Variants in SORCS2 observed in about 807,000 individuals in gnomAD.
SORCS2 encodes sortilin related VPS10 domain containing receptor 2.
A neutral mutation model predicts 141.6 loss-of-function variants in SORCS2; 100 were observed. The observed-to-expected ratio is 0.71, with a 90% confidence interval of 0.60 to 0.83. The LOEUF (loss-of-function observed/expected upper bound fraction) is 0.83. Among genes scored for constraint, SORCS2 ranks in the 40% least tolerant of loss-of-function variants. The probability of loss-of-function intolerance (pLI) is 0.00; values close to 1 mark genes in which losing one functional copy is unlikely to be tolerated. For missense variants in SORCS2, 1,646 were observed against 1,560.2 expected (o/e 1.05, Z -0.93); for synonymous variants, 789 against 676.9 (o/e 1.17, Z -2.57).
At chr4:7,452,562 C>A (rs1728532885) in intron 2 of SORCS2, among the ~76,000 whole-genome samples, 1 of 152,224 alleles carries the variant, frequency 6.6e-6, no homozygotes, top group African/African-American at 2.4e-5. Context: ...CTGCCCCAGC[C>A]TTCTGTAAGC....
At chr4:7,699,906 G>A (rs763044560) in intron 12 of SORCS2, among the ~76,000 whole-genome samples, 3 of 152,250 alleles carry the variant, frequency 2.0e-5, no homozygotes, top group Non-Finnish European at 4.4e-5. Flanking sequence ...AGCCTCTAAC[G>A]AGCCCCTGCC....
chr4:7,727,662 C>T (rs927181388), intron 21 of SORCS2, among the ~76,000 whole-genome samples: 4 of 152,174 alleles, frequency 2.6e-5, no homozygotes, highest in African/African-American at 9.7e-5. Context: ...AATGCCATCA[C>T]CACCCTCATT....
intron 7 of SORCS2, among the ~76,000 whole-genome samples, chr4:7,665,289 G>C (rs1406338041): frequency 2.6e-5 from 4 of 152,140 alleles, no homozygotes; most frequent in Admixed American, 6.6e-5. Flanking sequence ...CAAGGAGTTA[G>C]GCGCTAGGGC....
chr4:7,516,533 C>A (rs551898020), intron 2 of SORCS2, among the ~76,000 whole-genome samples: 28 of 152,100 alleles, frequency 1.8e-4, no homozygotes, highest in Admixed American at 3.3e-4. Flanking sequence ...AGATTTTATC[C>A]GCTTGCAAAA....
intron 1 of SORCS2, among the ~76,000 whole-genome samples, chr4:7,305,831 C>T (rs1434233979): frequency 6.6e-6 from 1 of 152,182 alleles, no homozygotes; most frequent in African/African-American, 2.4e-5. Flanking sequence ...GAGCACAGTC[C>T]CCTCCCCGAT....
intron 1 of SORCS2, among the ~76,000 whole-genome samples, chr4:7,377,351 T>C (rs1186326109): frequency 1.3e-5 from 1 of 75,736 alleles, no homozygotes; most frequent in Non-Finnish European, 2.8e-5. Context: ...GAACTGGGGC[T>C]GTGACGGGGG....
At chr4:7,566,389 TGAA>T (rs1715017304) in intron 3 of SORCS2, among the ~76,000 whole-genome samples, 1 of 152,190 alleles carries the variant, frequency 6.6e-6, no homozygotes, top group East Asian at 1.9e-4. Context: ...CTGCTGAAGA[TGAA>T]GATGACGGAT....
intron 1 of SORCS2, among the ~76,000 whole-genome samples, chr4:7,295,349 C>T (rs369430494): frequency 5.8e-4 from 88 of 151,500 alleles, no homozygotes; most frequent in African/African-American, 1.8e-3. Flanking sequence ...AGACTCCTGG[C>T]CAGGACCGCA....
chr4:7,362,565 T>C (rs980678071), intron 1 of SORCS2, among the ~76,000 whole-genome samples: 1 of 152,134 alleles, frequency 6.6e-6, no homozygotes. Flanking sequence ...GTGTTGGTGC[T>C]GAAGGCCTAG....
At chr4:7,344,051 C>T (rs1441422962) in intron 1 of SORCS2, among the ~76,000 whole-genome samples, 1 of 152,232 alleles carries the variant, frequency 6.6e-6, no homozygotes, top group Non-Finnish European at 1.5e-5. Context: ...TCTCCTTGGC[C>T]TGCAAGTGAA....
chr4:7,510,848 GTCC>G lies in SORCS2; in HGVS notation c.549-20677_549-20675del, dbSNP rs557804042. On this transcript the variant is annotated intron_variant, in intron 2 of 26. Transcript: ENST00000507866. Reference sequence around the variant, plus strand: ...CACTCTGCACCCAACATCATGCTCTGTCCTCCTTTATTCACAGCACATTGGCCG... The same window carrying G: ...CACTCTGCACCCAACATCATGCTCTGTCCTTTATTCACAGCACATTGGCCG... 9.6e-4 allele frequency among the ~76,000 whole-genome samples: 146 copies of G among 152,332 alleles called. 1 individual carries two copies. Among genetic ancestry groups the G allele is most frequent in the African/African-American group, 3.2e-3 (133 of 41,578 alleles).
intron 2 of SORCS2, among the ~76,000 whole-genome samples, chr4:7,531,259 G>C (rs1321513796): frequency 6.6e-6 from 1 of 152,234 alleles, no homozygotes; most frequent in Non-Finnish European, 1.5e-5. Flanking sequence ...ATGACTGGCT[G>C]GGATTTGGAG....
intron 3 of SORCS2, among the ~76,000 whole-genome samples, chr4:7,566,303 GTGA>G (rs1560391527): frequency 6.6e-6 from 1 of 150,886 alleles, no homozygotes; most frequent in African/African-American, 2.5e-5. Context: ...AATGGTGATG[GTGA>G]TGATGGTGAT....
At chr4:7,659,164 G>A (rs1252108894) in intron 5 of SORCS2, among the ~76,000 whole-genome samples, 2 of 152,102 alleles carry the variant, frequency 1.3e-5, no homozygotes, top group African/African-American at 4.8e-5. Flanking sequence ...TGAAGAAAGT[G>A]GCAGGTAGAT....
rs568080747 is a variant in SORCS2 at position 7,273,416 on chromosome 4, TGCTGGAGG to T, written c.480+80295_480+80302del. Among the ~76,000 whole-genome samples the T allele has an allele frequency of 2.0e-5, 3 of 152,264 alleles. No individual in the cohort carries two copies. The South Asian group carries it at 6.2e-4, about 32-fold the overall frequency. Reference sequence around the variant, plus strand: ...GCTGAAAGCCACTTGCATCCATCATTGCTGGAGGGCTGCTTCTGGAACACGGGTGTCTG... The same window carrying T: ...GCTGAAAGCCACTTGCATCCATCATTGCTGCTTCTGGAACACGGGTGTCTG... On this transcript the variant is annotated intron_variant, in intron 1 of 26. Transcript: ENST00000507866.
intron 8 of SORCS2, among the ~76,000 whole-genome samples, chr4:7,669,567 A>T (rs1159586079): frequency 6.6e-6 from 1 of 152,182 alleles, no homozygotes. Context: ...TCCTCATCAG[A>T]TGTTGTTGTT....
chr4:7,389,752 TATGCAA>T (rs1179161150), intron 1 of SORCS2, among the ~76,000 whole-genome samples: 1 of 152,024 alleles, frequency 6.6e-6, no homozygotes, highest in Non-Finnish European at 1.5e-5. Context: ...GCGATCCAAG[TATGCAA>T]ATGCCTGCGG....
At chr4:7,413,605 C>G (rs1460644244) in intron 2 of SORCS2, among the ~76,000 whole-genome samples, 1 of 152,050 alleles carries the variant, frequency 6.6e-6, no homozygotes, top group Non-Finnish European at 1.5e-5. Flanking sequence ...CAAGGATGGT[C>G]TCAAACTCTT....
intron 3 of SORCS2, among the ~76,000 whole-genome samples, chr4:7,593,018 A>G (rs925072159): frequency 2.6e-5 from 4 of 152,146 alleles, no homozygotes; most frequent in Admixed American, 6.5e-5. Flanking sequence ...TTATTGTTAA[A>G]ACCTATATAA....
Sources: gnomAD v4.1 joint callset for allele counts (sites outside exome capture counted in the v4.1 genomes callset) on GRCh38, gnomAD v4.1.1 for gene constraint, MANE v1.5 for transcripts, NCBI Gene and HGNC (gene_info 2026-07-23, HGNC 2026-07-21) for gene names.